Variants in MYO9B observed in about 807,000 individuals in gnomAD.
MYO9B encodes the protein myosin IXB, also known as unconventional myosin-IXb.
A neutral mutation model predicts 229.5 loss-of-function variants in MYO9B; 71 were observed. The ratio of observed to expected loss-of-function variants is 0.31; its 90% CI spans 0.26 to 0.38. The LOEUF (loss-of-function observed/expected upper bound fraction) is 0.38, where lower values mean the gene tolerates loss of function less well. Among genes scored for constraint, MYO9B ranks in the 10% least tolerant of loss-of-function variants. MYO9B has a pLI of 1.00. For synonymous variants in MYO9B, 1,185 were observed against 1,235.8 expected (o/e 0.96, Z 0.86); for missense variants, 2,255 against 2,920.5 (o/e 0.77, Z 5.25).
intron 1 of MYO9B, among the ~76,000 whole-genome samples, chr19:17,093,688 GGGGGT>G (rs1382447919): frequency 0.064 from 1,656 of 25,768 alleles, 29 homozygotes; most frequent in South Asian, 0.11. Flanking sequence ...TTTTTTTGCG[GGGGGT>G]GGGGGGGGGG....
At chr19:17,110,054 G>T (rs1457317350) in intron 2 of MYO9B, among the ~76,000 whole-genome samples, 1 of 151,952 alleles carries the variant, frequency 6.6e-6, no homozygotes, top group Non-Finnish European at 1.5e-5. Context: ...CCCCTCTCTC[G>T]CCCGGGCTGC....
intron 2 of MYO9B, among the ~76,000 whole-genome samples, chr19:17,109,078 T>TCA (rs2057822213): frequency 7.6e-6 from 1 of 132,190 alleles, no homozygotes; most frequent in Admixed American, 7.6e-5. Context: ...ATTTATTTAT[T>TCA]TATTTTGAAA....
At chr19:17,127,362 T>C (rs36064742) in intron 2 of MYO9B, among the ~76,000 whole-genome samples, 30,305 of 150,140 alleles carry the variant, frequency 0.2, 3,579 homozygotes, top group African/African-American at 0.33. Context: ...AATCTTGCCC[T>C]GTCGCCCAGG....
intron 2 of MYO9B, among the ~76,000 whole-genome samples, chr19:17,115,735 G>A (rs1237173775): frequency 6.6e-6 from 1 of 151,844 alleles, no homozygotes; most frequent in Non-Finnish European, 1.5e-5. Context: ...CCCACAAAGT[G>A]CTGGGATTAC....
intron 10 of MYO9B, among the ~76,000 whole-genome samples, chr19:17,166,045 AT>A (rs796336258): frequency 0.029 from 4,177 of 146,556 alleles, 203 homozygotes; most frequent in African/African-American, 0.098. Flanking sequence ...TTTAAGTGTG[AT>A]TTTTTTTTTT....
intron 14 of MYO9B, among the ~76,000 whole-genome samples, chr19:17,176,449 G>C (rs2072790968): frequency 6.6e-6 from 1 of 152,194 alleles, no homozygotes; most frequent in South Asian, 2.1e-4. Flanking sequence ...GGGATTACAG[G>C]CGTGAGCCAC....
At chr19:17,084,771 G>T (rs192508894) in intron 1 of MYO9B, among the ~76,000 whole-genome samples, 1 of 151,978 alleles carries the variant, frequency 6.6e-6, no homozygotes, top group Admixed American at 6.6e-5. Flanking sequence ...CAGGTATGGT[G>T]TGGTGCACCT....
intron 19 of MYO9B, among the ~76,000 whole-genome samples, chr19:17,190,043 C>T (rs370195002): frequency 5.8e-4 from 77 of 133,628 alleles, no homozygotes; most frequent in African/African-American, 1.9e-3. Flanking sequence ...CCAGCCTGGG[C>T]GGCAAAACAA....
intron 2 of MYO9B, among the ~76,000 whole-genome samples, chr19:17,110,089 C>A (rs1312504633): frequency 5.9e-5 from 9 of 152,156 alleles, no homozygotes. Context: ...CAGCACAACT[C>A]GCTGCATCGA....
intron 33 of MYO9B, 105 bp from the exon 34 acceptor site, chr19:17,206,574 A>G (rs971126645): frequency 7.7e-7 from 1 of 1,304,580 alleles, no homozygotes; most frequent in African/African-American, 1.5e-5. Context: ...TTGCCTGGGC[A>G]CCACAGGGTG....
chr19:17,131,919 G>A (rs182967573), intron 2 of MYO9B, among the ~76,000 whole-genome samples: 5 of 152,038 alleles, frequency 3.3e-5, no homozygotes, highest in East Asian at 1.9e-4. Flanking sequence ...TCACTCTGTC[G>A]TCTAGGCTAG....
In MYO9B at chr19:17,157,438, A is replaced by G. The variant is rs2072549401; in HGVS notation, c.1329+400A>G. 1.8e-5 allele frequency: 3 copies of G among 169,062 alleles called. 1 individual carries two copies. In the South Asian group the frequency reaches 3.6e-4, roughly 20 times the overall value. 10.5% of individuals were successfully genotyped at this position (169,062 alleles called of 1,614,324 possible). On this transcript the variant is annotated intron_variant, in intron 7 of 39. Transcript: ENST00000682292. ...GCCAGTGGTGGTGGTACATGCCTAT[A>G]GTCCAAGCAACTTGGGAGGCAGAGG...
chr19:17,095,725 T>C (rs1249082675), intron 1 of MYO9B: 2 of 152,232 alleles, frequency 1.3e-5, no homozygotes, highest in Non-Finnish European at 2.9e-5. Context: ...GGGAGCAGAA[T>C]TGCTACGTCT....
At chr19:17,128,776 A>G (rs2072157089) in intron 2 of MYO9B, among the ~76,000 whole-genome samples, 1 of 152,250 alleles carries the variant, frequency 6.6e-6, no homozygotes, top group South Asian at 2.1e-4. Context: ...AAGAAATAAC[A>G]GGAGGTCCAA....
In MYO9B at chr19:17,206,013, C is replaced by T. The variant is rs2073156917; in HGVS notation, c.5118C>T (p.Thr1706=). ...GHFGVCVDSL[T]SDKASVPIVL... ...TCGGCGTGTGCGTAGACAGCCTGAC[C>T]AGCGACAAGGCCTCGGTGCCCATCG... is the stretch of plus-strand genomic sequence containing the variant. Residue 1706 remains threonine (T), a synonymous_variant, in exon 32 of 40, where the codon ACC becomes ACT. Transcript: ENST00000682292. The T allele has an allele frequency of 6.2e-7, 1 of 1,605,560 alleles. No homozygotes were observed. Among genetic ancestry groups the T allele is most frequent in the Non-Finnish European group, 8.5e-7 (1 of 1,175,606 alleles).
At chr19:17,176,515 C>T (rs2072791668) in intron 14 of MYO9B, among the ~76,000 whole-genome samples, 2 of 152,188 alleles carry the variant, frequency 1.3e-5, no homozygotes, top group South Asian at 4.1e-4. Context: ...AGTCACTGAG[C>T]TTCCATTTGA....
intron 31 of MYO9B, 39 bp downstream of exon 31, chr19:17,205,375 C>T (rs764259088): frequency 6.3e-7 from 1 of 1,577,912 alleles, no homozygotes; most frequent in East Asian, 2.2e-5. Context: ...CAATGACACT[C>T]CACTCACGGC....
Position 17,180,987 on chromosome 19 carries a change from C to T in MYO9B, c.2280C>T (p.Pro760=). ...GATTGCCCTGGCAGGGCGAGGACCC[C>T]CGTAGCCTTCTCCAGTCCCTCAGTC... ...IKGLPWQGED[P]RSLLQSLSRL... The change falls in exon 15 of 40, where the codon CCC becomes CCT. Residue 760 remains proline, a synonymous_variant. Transcript: ENST00000682292. 3.1e-6 allele frequency: 5 copies of T among 1,611,450 alleles called. No individual in the cohort carries two copies. The highest frequency in any genetic ancestry group is 1.3e-5 in the African/African-American group (1 of 75,006).
intron 11 of MYO9B, 105 bp downstream of exon 11, chr19:17,168,169 G>T (rs4808583): frequency 0.7 from 998,797 of 1,421,660 alleles, 354,691 homozygotes; most frequent in African/African-American, 0.94. Context: ...TCCCAAGAGC[G>T]CCTTTTTATT....
Sources: allele counts gnomAD v4.1 joint callset (sites outside exome capture counted in the v4.1 genomes callset), GRCh38; gene constraint gnomAD v4.1.1; transcripts MANE v1.5; gene names NCBI Gene and HGNC (gene_info 2026-07-23, HGNC 2026-07-21).